SPIC: variants seen among roughly 807,000 people sequenced by gnomAD.
SPIC encodes the protein transcription factor Spi-C.
A neutral mutation model predicts 16.7 loss-of-function variants in SPIC; 9 were observed. The observed-to-expected ratio is 0.54, with a 90% CI of 0.33 to 0.94. SPIC has a LOEUF of 0.94. SPIC is among the 40% of genes least tolerant of loss of function. The probability of loss-of-function intolerance (pLI) is 0.03; values close to 1 mark genes in which losing one functional copy is unlikely to be tolerated. For missense variants in SPIC, 241 were observed against 285.8 expected, an observed-to-expected ratio of 0.84 and a Z score of 1.13; for synonymous variants, 97 against 102.9, an observed-to-expected ratio of 0.94 and a Z score of 0.35.
At chr12:101,479,212 G>GAAGA (rs1873071831) in intron 3 of SPIC, among the ~76,000 whole-genome samples, 15 of 119,888 alleles carry the variant, frequency 1.3e-4, no homozygotes, top group Admixed American at 1.8e-4. Context: ...AAGAAAGAAA[G>GAAGA]AAAGAAAGAA....
intron 4 of SPIC, among the ~76,000 whole-genome samples, chr12:101,482,085 A>G (rs1352031847): frequency 6.7e-6 from 1 of 150,278 alleles, no homozygotes; most frequent in Admixed American, 6.6e-5. Context: ...TCTACTAAAA[A>G]TACAAAATTA....
At chr12:101,477,010 A>G in intron 2 of SPIC, 103 bp downstream of exon 2, 1 of 593,734 alleles carries the variant, frequency 1.7e-6, no homozygotes. Context: ...TTTTAAAAAT[A>G]AAATATATCG....
At chr12:101,479,219 A>AGAAAGAAAGAAG (rs1491303702) in intron 3 of SPIC, among the ~76,000 whole-genome samples, 2 of 83,262 alleles carry the variant, frequency 2.4e-5, no homozygotes, top group Non-Finnish European at 2.9e-5. Context: ...AAAGAAAGAA[A>AGAAAGAAAGAAG]GAAGGAAAGA....
At position 101,479,645 on chromosome 12, in the gene SPIC, A is replaced by G. The variant is rs1255286492; in HGVS notation, c.161A>G (p.Tyr54Cys). 1.9e-5 allele frequency: 31 copies of G among 1,613,550 alleles called. No individual in the cohort carries two copies. The East Asian group carries it at 5.6e-4, about 29-fold the overall frequency. The change falls in exon 4 of 6, where the codon TAT (tyrosine) becomes TGT (cysteine). Residue 54 changes from tyrosine to cysteine, a missense_variant. Physicochemically the swap from Tyr to Cys is radical, Grantham distance 194. Transcript: ENST00000551346. ...RPHVKGNSSC[Y>C]GVLPTEEPVY... is the part of the protein sequence containing the mutation. The stretch of plus-strand genomic sequence containing the variant: ...CATGTCAAAGGAAATTCCAGCTGCT[A>G]TGGAGTGTTGCCTACAGAGGAGCCT...
Position 101,477,663 on chromosome 12 carries a change from T to C in SPIC, c.97+12T>C. ...TCAGTACTCGCCAGGTAAAGATGAG[T>C]CATTTACCCTCTTCTGCTGGTACAT... On this transcript the variant is annotated intron_variant, in intron 3 of 5. Coordinates refer to ENST00000551346, the MANE Select transcript of SPIC (RefSeq NM_152323.3). The C allele has an allele frequency of 6.2e-7, 1 of 1,600,884 alleles. No individual in the cohort carries two copies. The highest frequency in any genetic ancestry group is 8.5e-7 in the Non-Finnish European group (1 of 1,169,664).
At chr12:101,482,981 G>A (rs1308537665) in intron 5 of SPIC, 81 bp downstream of exon 5, 1 of 1,280,634 alleles carries the variant, frequency 7.8e-7, no homozygotes, top group Non-Finnish European at 1.1e-6. Flanking sequence ...TTATAACTGA[G>A]TTTGGAATTG....
chr12:101,486,349 A>C lies in SPIC; in HGVS notation c.325A>C (p.Lys109Gln), dbSNP rs781023526. The C allele has an allele frequency of 6.2e-7, 1 of 1,601,192 alleles. No homozygotes were observed. The highest frequency in any genetic ancestry group is 2.2e-5 in the East Asian group (1 of 44,732). The change falls in exon 6 of 6, where the codon AAG (lysine) becomes CAG (glutamine). Residue 109 changes from lysine (K) to glutamine (Q), a missense_variant. By Grantham distance (53) the Lys-to-Gln change is moderately conservative (BLOSUM62 1). Transcript: ENST00000551346. ...CTTGTTTCCCTTCATTTTAGGCAGGAAGAAGCTCCGACTGTTTGAATACCT... is the reference window on the plus strand; with the variant it reads ...CTTGTTTCCCTTCATTTTAGGCAGGCAGAAGCTCCGACTGTTTGAATACCT... The part of the protein sequence containing the change: ...LLQQKGGKGR[K>Q]KLRLFEYLHE...
chr12:101,478,273 C>T (rs1489906609), intron 3 of SPIC, among the ~76,000 whole-genome samples: 2 of 152,084 alleles, frequency 1.3e-5, no homozygotes, highest in East Asian at 2.0e-4. Flanking sequence ...CCTCGTGATC[C>T]GCCCATCTCG....
At chr12:101,478,033 CTTTT>C (rs71091502) in intron 3 of SPIC, among the ~76,000 whole-genome samples, 1 of 137,710 alleles carries the variant, frequency 7.3e-6, no homozygotes. Flanking sequence ...TTTCTTTTTT[CTTTT>C]TTTTTTTTTT....
At chr12:101,485,815 G>T (rs770751795) in intron 5 of SPIC, among the ~76,000 whole-genome samples, 1 of 152,098 alleles carries the variant, frequency 6.6e-6, no homozygotes, top group Admixed American at 6.5e-5. Flanking sequence ...ACAGATTCTC[G>T]CTCTGTTGCC....
At chr12:101,476,147 T>C (rs1872950912) in intron 1 of SPIC, among the ~76,000 whole-genome samples, 1 of 152,234 alleles carries the variant, frequency 6.6e-6, no homozygotes, top group Non-Finnish European at 1.5e-5. Flanking sequence ...CAGTTCTTTT[T>C]ATTATGTGGG....
chr12:101,481,365 A>C (rs1245574501), intron 4 of SPIC, among the ~76,000 whole-genome samples: 2 of 151,926 alleles, frequency 1.3e-5, no homozygotes, highest in Non-Finnish European at 2.9e-5. Flanking sequence ...TTTTAAATAT[A>C]AATTTTTTTG....
chr12:101,478,006 A>C (rs997936849), intron 3 of SPIC, among the ~76,000 whole-genome samples: 7 of 151,720 alleles, frequency 4.6e-5, no homozygotes, highest in African/African-American at 7.3e-5. Context: ...AGAACAGAGA[A>C]GACCTTTTTT....
intron 4 of SPIC, among the ~76,000 whole-genome samples, chr12:101,480,850 A>T (rs1873165296): frequency 2.0e-5 from 3 of 152,234 alleles, no homozygotes. Flanking sequence ...AAAAATTTTA[A>T]ATAGAGGGTG....
intron 3 of SPIC, among the ~76,000 whole-genome samples, chr12:101,479,105 C>T: frequency 6.9e-6 from 1 of 145,334 alleles, no homozygotes; most frequent in Non-Finnish European, 1.5e-5. Flanking sequence ...TGGCCGCACT[C>T]CAGCCTGGGT....
chr12:101,485,034 CT>C lies in SPIC; in HGVS notation c.320-1307del, dbSNP rs80347096. Among the ~76,000 whole-genome samples the C allele has an allele frequency of 1.1e-4, 16 of 152,146 alleles. No homozygotes were observed. In the East Asian group the frequency reaches 2.9e-3, roughly 27 times the overall value. On this transcript the variant is annotated intron_variant, in intron 5 of 5. Coordinates refer to ENST00000551346, the MANE Select transcript of SPIC (RefSeq NM_152323.3). ...TCATGATGTGTTTTTTGGTAAGTCC[CT>C]TTCATTTCTCAATTCATAAACTCAA...
chr12:101,486,293 T>G, intron 5 of SPIC, 51 bp from the exon 6 acceptor site: 1 of 1,537,534 alleles, frequency 6.5e-7, no homozygotes, highest in Non-Finnish European at 8.8e-7. Flanking sequence ...TCTGAGGATG[T>G]TCTCGGTTTA....
At chr12:101,478,183 C>T (rs1363299784) in intron 3 of SPIC, among the ~76,000 whole-genome samples, 1 of 151,684 alleles carries the variant, frequency 6.6e-6, no homozygotes, top group African/African-American at 2.4e-5. Context: ...AGGCGCCCGC[C>T]ACCATGCCCA....
chr12:101,479,384 C>T (rs1013440858), intron 3 of SPIC, among the ~76,000 whole-genome samples, 198 bp from the exon 4 acceptor site: 1 of 151,826 alleles, frequency 6.6e-6, no homozygotes, highest in South Asian at 2.1e-4. Flanking sequence ...CTGCAAGGAG[C>T]ATGTTCTCCA....
Sources: allele counts gnomAD v4.1 joint callset (sites outside exome capture counted in the v4.1 genomes callset), GRCh38; gene constraint gnomAD v4.1.1; transcripts MANE v1.5; gene names NCBI Gene and HGNC (gene_info 2026-07-23, HGNC 2026-07-21).